Variants in MAGI1 observed in about 807,000 individuals in gnomAD.
The protein encoded by MAGI1 is membrane associated guanylate kinase, WW and PDZ domain containing 1, also known as membrane-associated guanylate kinase, WW and PDZ domain-containing protein 1.
MAGI1 carries 58 observed loss-of-function variants against 139.9 expected under a neutral mutation model. The observed-to-expected ratio is 0.41, with a 90% CI of 0.34 to 0.52. MAGI1 has a LOEUF of 0.52. MAGI1 is among the 20% of genes least tolerant of loss of function. The pLI, the probability that MAGI1 is intolerant of heterozygous loss-of-function variation, is 0.12. For missense variants in MAGI1, 1,874 were observed against 1,901.6 expected (o/e 0.99, Z 0.27); for synonymous variants, 812 against 737.9 (o/e 1.10, Z -1.63).
rs375043389 is a variant in MAGI1, at chr3:65,356,585, G to A, written c.4182C>T (p.Arg1394=). 129 of 1,597,622 alleles carry A rather than the reference G, an allele frequency of 8.1e-5. No individual in the cohort carries two copies. Among genetic ancestry groups the A allele is most frequent in the Non-Finnish European group, 9.9e-5 (116 of 1,172,818 alleles). The change falls in exon 23 of 23, where the codon CGC becomes CGT. Residue 1394 remains arginine (R), a synonymous_variant. Coordinates refer to ENST00000402939, the MANE Select transcript of MAGI1 (RefSeq NM_001033057.2). ...PERRRGGSPE[R]RAKSTDRRRA... ...GCCTCCGGTCGGTGGACTTGGCCCT[G>A]CGCTCGGGCGAGCCCCCTCTCCTGC...
chr3:65,512,470 G>T (rs2077648424), intron 2 of MAGI1, among the ~76,000 whole-genome samples: 1 of 146,784 alleles, frequency 6.8e-6, no homozygotes, highest in African/African-American at 2.5e-5. Context: ...ATGATAAAGG[G>T]GATATCACCA....
chr3:65,382,206 T>C (rs905240329), intron 15 of MAGI1, 137 bp from the exon 16 acceptor site: 1 of 654,486 alleles, frequency 1.5e-6, no homozygotes, highest in South Asian at 2.1e-5. Flanking sequence ...GCACCCACTG[T>C]GTACAAGACA....
chr3:65,372,943 C>A (rs1287948457), intron 18 of MAGI1, among the ~76,000 whole-genome samples: 1 of 152,154 alleles, frequency 6.6e-6, no homozygotes. Flanking sequence ...GATTTTCTAT[C>A]CAGACCACTC....
chr3:65,803,673 A>G (rs111958012), intron 1 of MAGI1, among the ~76,000 whole-genome samples: 1 of 151,926 alleles, frequency 6.6e-6, no homozygotes, highest in Non-Finnish European at 1.5e-5. Flanking sequence ...TCCAACAGCT[A>G]TTTTTCCAGA....
At chr3:65,454,690 GTTT>G (rs1233012042) in intron 5 of MAGI1, among the ~76,000 whole-genome samples, 1 of 150,038 alleles carries the variant, frequency 6.7e-6, no homozygotes, top group Non-Finnish European at 1.5e-5. Flanking sequence ...GTTTGCCAAA[GTTT>G]TTTATTTTTG....
At chr3:65,905,041 T>C (rs2061381581) in intron 1 of MAGI1, among the ~76,000 whole-genome samples, 1 of 152,180 alleles carries the variant, frequency 6.6e-6, no homozygotes, top group African/African-American at 2.4e-5. Context: ...CACATTACAA[T>C]ACACAGGGGA....
intron 1 of MAGI1, among the ~76,000 whole-genome samples, chr3:65,843,060 A>G (rs1052230998): frequency 1.3e-5 from 2 of 152,218 alleles, no homozygotes; most frequent in African/African-American, 4.8e-5. Flanking sequence ...TGGTATTCAT[A>G]ACCCTGAATA....
In MAGI1 at chr3:65,360,332, A is replaced by C. The variant is rs373439462; in HGVS notation, c.3634+867T>G. On this transcript the variant is annotated intron_variant, in intron 22 of 22. Coordinates refer to ENST00000402939, the MANE Select transcript of MAGI1 (RefSeq NM_001033057.2). ...CTTTGGTTGGGAAAAAAAGCCCTAC[A>C]TCTAGGGCATAGCTTCTTCTTTTTT... 759 of 981,534 alleles carry C rather than the reference A, an allele frequency of 7.7e-4. 20 individuals are homozygous for C. In the South Asian group the frequency reaches 0.03, roughly 39 times the overall value. 60.8% of individuals were successfully genotyped at this position (981,534 alleles called of 1,614,324 possible). A position where few individuals can be genotyped will look rare whatever the true frequency, so the allele number is the denominator to read the frequency against.
chr3:66,018,060 T>C (rs1560115600), intron 1 of MAGI1, among the ~76,000 whole-genome samples: 1 of 138,866 alleles, frequency 7.2e-6, no homozygotes, highest in Non-Finnish European at 1.5e-5. Flanking sequence ...TTTTTGGTGG[T>C]TGTGCTTCAT....
chr3:65,816,871 A>G (rs1039140280), intron 1 of MAGI1, among the ~76,000 whole-genome samples: 5 of 152,276 alleles, frequency 3.3e-5, no homozygotes, highest in South Asian at 2.1e-4. Flanking sequence ...CTGTGGGTCA[A>G]AAGAATCTCT....
chr3:65,656,596 C>T (rs1195934628), intron 1 of MAGI1, among the ~76,000 whole-genome samples: 2 of 152,064 alleles, frequency 1.3e-5, no homozygotes, highest in Admixed American at 6.6e-5. Context: ...CTTCTTACTC[C>T]GAGTGGGGGT....
At chr3:66,037,813 A>G (rs2069022904) in intron 1 of MAGI1, among the ~76,000 whole-genome samples, 183 bp downstream of exon 1, 1 of 152,194 alleles carries the variant, frequency 6.6e-6, no homozygotes, top group Non-Finnish European at 1.5e-5. Context: ...TTCGAAACGC[A>G]GGTGGGCAAA....
chr3:65,580,588 T>G (rs755661201), intron 2 of MAGI1, among the ~76,000 whole-genome samples: 5 of 152,188 alleles, frequency 3.3e-5, no homozygotes, highest in Admixed American at 2.6e-4. Flanking sequence ...CCAGGACAAT[T>G]AGAGCTGTAC....
At chr3:65,676,744 T>A (rs1411604308) in intron 1 of MAGI1, among the ~76,000 whole-genome samples, 8 of 152,170 alleles carry the variant, frequency 5.3e-5, no homozygotes, top group Non-Finnish European at 1.5e-5. Flanking sequence ...CCAAGCCCAA[T>A]CCTTTTGTTC....
chr3:66,027,184 C>T (rs568215334), intron 1 of MAGI1, among the ~76,000 whole-genome samples: 10 of 151,842 alleles, frequency 6.6e-5, no homozygotes, highest in Middle Eastern at 3.4e-3. Context: ...AGGAGAATGG[C>T]GTGAACCCCA....
At chr3:65,835,500 T>G (rs915349180) in intron 1 of MAGI1, among the ~76,000 whole-genome samples, 3 of 152,194 alleles carry the variant, frequency 2.0e-5, no homozygotes, top group Admixed American at 2.0e-4. Context: ...AATTTCCTAA[T>G]CCCATGCATT....
intron 1 of MAGI1, among the ~76,000 whole-genome samples, chr3:65,810,823 A>G (rs1371760956): frequency 6.6e-6 from 1 of 152,010 alleles, no homozygotes; most frequent in African/African-American, 2.4e-5. Context: ...CTCGTAATTG[A>G]CTTTGTTTTG....
chr3:65,463,654 G>T (rs1284502012), intron 5 of MAGI1, among the ~76,000 whole-genome samples: 2 of 151,556 alleles, frequency 1.3e-5, no homozygotes, highest in African/African-American at 2.4e-5. Flanking sequence ...AAGAGTTAGG[G>T]TGGAGACCCT....
chr3:65,618,545 C>G (rs1240636252), intron 2 of MAGI1, among the ~76,000 whole-genome samples: 2 of 152,098 alleles, frequency 1.3e-5, no homozygotes, highest in African/African-American at 4.8e-5. Flanking sequence ...GCAACTAGAG[C>G]TCTAAATTCA....
Sources: gnomAD v4.1 joint callset for allele counts (sites outside exome capture counted in the v4.1 genomes callset) on GRCh38, gnomAD v4.1.1 for gene constraint, MANE v1.5 for transcripts, NCBI Gene and HGNC (gene_info 2026-07-23, HGNC 2026-07-21) for gene names.